The following CEP112 variants were observed in gnomAD, a reference collection of about 807,000 sequenced individuals.
CEP112 encodes the protein centrosomal protein 112.
Under a neutral mutation model 153.0 loss-of-function variants are expected in CEP112, and 127 were observed. The observed-to-expected ratio is 0.83, with a 90% confidence interval of 0.72 to 0.96. The LOEUF is 0.96. Among genes scored for constraint, CEP112 ranks in the 40% least tolerant of loss-of-function variants. The pLI, the probability that CEP112 is intolerant of heterozygous loss-of-function variation, is 0.00. For missense variants in CEP112, 1,089 were observed against 1,101.2 expected, an observed-to-expected ratio of 0.99 and a Z score of 0.16; for synonymous variants, 358 against 374.4, an observed-to-expected ratio of 0.96 and a Z score of 0.51.
At chr17:66,116,321 G>A (rs995171870) in intron 6 of CEP112, among the ~76,000 whole-genome samples, 7 of 151,776 alleles carry the variant, frequency 4.6e-5, no homozygotes, top group Non-Finnish European at 7.4e-5. Context: ...AAAGTTTTCC[G>A]TTTTATTGTT....
At chr17:65,915,610 C>G (rs1289300593) in intron 19 of CEP112, among the ~76,000 whole-genome samples, 1 of 151,744 alleles carries the variant, frequency 6.6e-6, no homozygotes, top group Non-Finnish European at 1.5e-5. Context: ...ATAGTGAAAC[C>G]CTGTCTCTGC....
At chr17:66,145,773 T>C (rs769106248) in intron 4 of CEP112, among the ~76,000 whole-genome samples, 2 of 152,130 alleles carry the variant, frequency 1.3e-5, no homozygotes, top group Non-Finnish European at 2.9e-5. Flanking sequence ...AACTTTCTCT[T>C]CTTTTCTATA....
chr17:65,723,279 C>T (rs1018361361), intron 23 of CEP112, among the ~76,000 whole-genome samples: 4 of 152,200 alleles, frequency 2.6e-5, no homozygotes, highest in Non-Finnish European at 5.9e-5. Context: ...AATTTGCTGA[C>T]GCTATTTTTA....
chr17:65,885,837 C>G (rs988876461), intron 20 of CEP112, among the ~76,000 whole-genome samples: 2 of 152,154 alleles, frequency 1.3e-5, no homozygotes, highest in Non-Finnish European at 2.9e-5. Context: ...ATTTCCAATT[C>G]GAGAACTGTA....
At position 65,988,990 on chromosome 17, in the gene CEP112, T is replaced by C. The variant is rs187890432; in HGVS notation, c.1736+16700A>G. On this transcript the variant is annotated intron_variant, in intron 17 of 26. Transcript: ENST00000535342. ...CTGTAATCCCAGCACTTTGGGACGC[T>C]GAGGCGGGCAGATCACCAGGTCAGG... Among the ~76,000 whole-genome samples, 377 of 151,928 alleles carry C rather than the reference T, an allele frequency of 2.5e-3. 1 individual carries two copies. Among genetic ancestry groups the C allele is most frequent in the Non-Finnish European group, 3.1e-3 (210 of 67,938 alleles).
chr17:65,839,537 T>A (rs1355820205), intron 21 of CEP112, among the ~76,000 whole-genome samples: 2 of 151,118 alleles, frequency 1.3e-5, no homozygotes, highest in African/African-American at 4.9e-5. Flanking sequence ...AAAGGCCATA[T>A]ATGACAAACC....
intron 17 of CEP112, among the ~76,000 whole-genome samples, chr17:65,980,590 C>T (rs2063191829): frequency 6.6e-6 from 1 of 152,152 alleles, no homozygotes; most frequent in South Asian, 2.1e-4. Context: ...TTTTCTGTCC[C>T]TTCCTTCAAA....
chr17:66,043,021 T>C, intron 12 of CEP112: 2 of 845,570 alleles, frequency 2.4e-6, no homozygotes, highest in Non-Finnish European at 2.8e-6. Context: ...TTATCATATG[T>C]CACTACTAAC....
intron 1 of CEP112, among the ~76,000 whole-genome samples, chr17:66,186,024 T>TTC (rs550194871): frequency 0.038 from 5,480 of 146,084 alleles, 129 homozygotes; most frequent in Middle Eastern, 0.066. Flanking sequence ...ATCTCTCTCA[T>TTC]TCTCTCTCTC....
intron 8 of CEP112, among the ~76,000 whole-genome samples, chr17:66,071,322 T>C (rs567880213): frequency 1.3e-5 from 2 of 152,172 alleles, no homozygotes; most frequent in South Asian, 4.2e-4. Context: ...AATCACACAA[T>C]ATTTCTTCTT....
intron 23 of CEP112, among the ~76,000 whole-genome samples, chr17:65,741,305 A>G (rs2051120531): frequency 6.6e-6 from 1 of 151,948 alleles, no homozygotes; most frequent in Admixed American, 6.6e-5. Flanking sequence ...GGCAATAAAC[A>G]CTAATGAATC....
At chr17:65,966,038 T>C (rs985325491) in intron 17 of CEP112, among the ~76,000 whole-genome samples, 5 of 42,946 alleles carry the variant, frequency 1.2e-4, no homozygotes, top group African/African-American at 3.4e-4. Context: ...GACTGAAGAT[T>C]TTTTTTTTCC....
At chr17:65,821,518 A>ATATATATATATATATATATATAAT (rs2146010341) in intron 21 of CEP112, among the ~76,000 whole-genome samples, 1 of 27,556 alleles carries the variant, frequency 3.6e-5, no homozygotes, top group African/African-American at 1.5e-4. Flanking sequence ...ATATAATTAT[A>ATATATATATATATATATATATAAT]TATATATATA....
chr17:65,760,658 T>G (rs1049115844), intron 21 of CEP112, among the ~76,000 whole-genome samples: 5 of 152,168 alleles, frequency 3.3e-5, no homozygotes, highest in Non-Finnish European at 5.9e-5. Flanking sequence ...TAATATTTTG[T>G]TAAAGATTTT....
intron 21 of CEP112, among the ~76,000 whole-genome samples, chr17:65,828,125 A>T (rs2056919835): frequency 6.6e-6 from 1 of 152,226 alleles, no homozygotes; most frequent in African/African-American, 2.4e-5. Flanking sequence ...CTATATCCTA[A>T]GTGCCTAGGG....
At chr17:66,085,294 T>C (rs1378915326) in intron 8 of CEP112, among the ~76,000 whole-genome samples, 1 of 152,190 alleles carries the variant, frequency 6.6e-6, no homozygotes, top group African/African-American at 2.4e-5. Flanking sequence ...TTTTAGAACA[T>C]TTTAATCATC....
In CEP112 at chr17:66,129,729, C is replaced by G. The variant is rs184055551; in HGVS notation, c.642+17G>C. ...TTGACACATCTATATATACATAAAG[C>G]AAATACTTTTTTTTACCCCAAGATT... On this transcript the variant is annotated intron_variant, in intron 6 of 26. Transcript: ENST00000535342. 1 of 1,563,810 alleles carries G rather than the reference C, an allele frequency of 6.4e-7. No homozygotes were observed. The highest frequency in any genetic ancestry group is 2.3e-5 in the East Asian group (1 of 44,442).
At chr17:66,164,220 TAAGTGTCTATCAGC>T (rs1258061348) in intron 4 of CEP112, among the ~76,000 whole-genome samples, 3 of 152,206 alleles carry the variant, frequency 2.0e-5, no homozygotes, top group Non-Finnish European at 1.5e-5. Context: ...AGTACAAGGT[TAAGTGTCTATCAGC>T]AAGTGTCCAT....
At chr17:65,853,214 C>G (rs907854161) in intron 20 of CEP112, among the ~76,000 whole-genome samples, 1 of 152,138 alleles carries the variant, frequency 6.6e-6, no homozygotes, top group African/African-American at 2.4e-5. Flanking sequence ...GAAGGAGAAG[C>G]TGTTCCATGC....
Sources: gnomAD v4.1 joint callset for allele counts (sites outside exome capture counted in the v4.1 genomes callset) on GRCh38, gnomAD v4.1.1 for gene constraint, MANE v1.5 for transcripts, NCBI Gene and HGNC (gene_info 2026-07-23, HGNC 2026-07-21) for gene names.